Variants in LINGO2 observed in about 807,000 individuals in gnomAD.
LINGO2 encodes leucine rich repeat and Ig domain containing 2.
Under a neutral mutation model 30.6 loss-of-function variants are expected in LINGO2, and 14 were observed. The observed-to-expected ratio is 0.46, with a 90% CI of 0.30 to 0.72. The LOEUF (loss-of-function observed/expected upper bound fraction) is 0.72. Ranked by LOEUF, LINGO2 falls within the 30% of genes least tolerant of loss-of-function variation. LINGO2 has a pLI of 0.07. For synonymous variants in LINGO2, 317 were observed against 288.5 expected (o/e 1.10, Z -1.00); for missense variants, 729 against 751.7 (o/e 0.97, Z 0.35).
intron 2 of LINGO2, among the ~76,000 whole-genome samples, chr9:28,415,354 A>G (rs1365514645): frequency 1.3e-5 from 2 of 152,188 alleles, no homozygotes; most frequent in Non-Finnish European, 2.9e-5. Context: ...TGATGACAAC[A>G]GGCAGGATAA....
chr9:28,257,063 T>C (rs904436791), intron 4 of LINGO2, among the ~76,000 whole-genome samples: 43 of 151,560 alleles, frequency 2.8e-4, no homozygotes, highest in Admixed American at 2.8e-3. Flanking sequence ...TTTTATGTAA[T>C]CAATCCCCAT....
At chr9:29,112,171 A>G in the LINGO2 span, among the ~76,000 whole-genome samples, 3 of 151,856 alleles carry the variant, frequency 2.0e-5, no homozygotes, top group Non-Finnish European at 4.4e-5. Flanking sequence ...ATGATGTCTA[A>G]TTTTTAGAGA....
the LINGO2 span, among the ~76,000 whole-genome samples, chr9:29,127,272 A>T: frequency 6.6e-6 from 1 of 151,934 alleles, no homozygotes; most frequent in South Asian, 2.1e-4. Flanking sequence ...TTGTTTGTGC[A>T]TTTTTTCCAA....
intron 1 of LINGO2, among the ~76,000 whole-genome samples, chr9:28,569,489 A>T (rs951952347): frequency 2.6e-5 from 4 of 152,054 alleles, no homozygotes; most frequent in African/African-American, 9.6e-5. Context: ...TAGTGACAAC[A>T]TAGATGACCT....
At chr9:28,354,050 C>T (rs568280599) in intron 3 of LINGO2, among the ~76,000 whole-genome samples, 2 of 151,944 alleles carry the variant, frequency 1.3e-5, no homozygotes, top group Non-Finnish European at 2.9e-5. Flanking sequence ...ATACCTAATG[C>T]TAGATGACGA....
chr9:28,751,223 CA>C, the LINGO2 span, among the ~76,000 whole-genome samples: 1 of 131,564 alleles, frequency 7.6e-6, no homozygotes, highest in Non-Finnish European at 1.5e-5. Flanking sequence ...CCCAGGAGTT[CA>C]AGGCTGCAGT....
chr9:28,246,174 C>T (rs924486930), intron 4 of LINGO2, among the ~76,000 whole-genome samples: 1 of 151,956 alleles, frequency 6.6e-6, no homozygotes, highest in Non-Finnish European at 1.5e-5. Context: ...GCCTGTAATC[C>T]CAGCACTTTA....
the LINGO2 span, among the ~76,000 whole-genome samples, chr9:29,100,041 C>A: frequency 6.6e-6 from 1 of 152,134 alleles, no homozygotes; most frequent in Non-Finnish European, 1.5e-5. Flanking sequence ...AAATACTATT[C>A]AGCCATAAAA....
intron 4 of LINGO2, among the ~76,000 whole-genome samples, chr9:28,020,848 A>C (rs927802560): frequency 6.6e-6 from 1 of 152,072 alleles, no homozygotes; most frequent in African/African-American, 2.4e-5. Context: ...TTTCTTTATC[A>C]TTTAAACCTC....
the LINGO2 span, among the ~76,000 whole-genome samples, chr9:29,172,871 T>C: frequency 6.6e-6 from 1 of 152,098 alleles, no homozygotes; most frequent in Admixed American, 6.5e-5. Context: ...AGCCTTATTC[T>C]GTACTTAAGA....
intron 1 of LINGO2, among the ~76,000 whole-genome samples, chr9:28,660,918 G>A (rs1158753210): frequency 6.6e-6 from 1 of 152,100 alleles, no homozygotes; most frequent in Non-Finnish European, 1.5e-5. Context: ...TGATGAACCA[G>A]ACTGAATGAA....
chr9:29,009,437 C>A, the LINGO2 span, among the ~76,000 whole-genome samples: 2,831 of 152,180 alleles, frequency 0.019, 23 homozygotes, highest in South Asian at 0.053. Flanking sequence ...ACAATTGCTA[C>A]AAAGAGAATA....
At chr9:28,564,662 T>C (rs1352417772) in intron 1 of LINGO2, among the ~76,000 whole-genome samples, 1 of 152,170 alleles carries the variant, frequency 6.6e-6, no homozygotes, top group African/African-American at 2.4e-5. Flanking sequence ...AGGGCTCCAA[T>C]GTGCTTTTCA....
chr9:28,537,186 C>T (rs929511572), intron 1 of LINGO2, among the ~76,000 whole-genome samples: 4 of 152,108 alleles, frequency 2.6e-5, no homozygotes, highest in African/African-American at 9.7e-5. Flanking sequence ...ACCTCAACAT[C>T]AGAAGGAACC....
chr9:28,149,288 G>T (rs113200722), intron 4 of LINGO2: 1 of 598,968 alleles, frequency 1.7e-6, no homozygotes, highest in Non-Finnish European at 2.9e-6. Context: ...AAGAGATTGA[G>T]ACCTGAGGAG....
At chr9:28,759,052 C>T in the LINGO2 span, among the ~76,000 whole-genome samples, 1 of 151,974 alleles carries the variant, frequency 6.6e-6, no homozygotes, top group Non-Finnish European at 1.5e-5. Context: ...ACTTAAGGTG[C>T]TGTTTTAGAA....
chr9:27,955,406 G>T (rs1386523616), intron 5 of LINGO2, among the ~76,000 whole-genome samples: 2 of 152,076 alleles, frequency 1.3e-5, no homozygotes, highest in African/African-American at 2.4e-5. Context: ...ACCTTTGTAA[G>T]CACCATCACA....
At chr9:28,431,182 G>T (rs1395647209) in intron 2 of LINGO2, among the ~76,000 whole-genome samples, 1 of 152,126 alleles carries the variant, frequency 6.6e-6, no homozygotes, top group African/African-American at 2.4e-5. Context: ...CCACATTCAA[G>T]AAGTGATTAT....
chr9:28,865,084 T>C, the LINGO2 span, among the ~76,000 whole-genome samples: 4 of 152,170 alleles, frequency 2.6e-5, no homozygotes, highest in African/African-American at 9.6e-5. Context: ...GAATTAGCAA[T>C]GAGAAGGGTG....
Sources: allele counts gnomAD v4.1 joint callset (sites outside exome capture counted in the v4.1 genomes callset), GRCh38; gene constraint gnomAD v4.1.1; transcripts MANE v1.5; gene names NCBI Gene and HGNC (gene_info 2026-07-23, HGNC 2026-07-21).